The following SNTG1 variants were observed in gnomAD, a reference collection of about 807,000 sequenced individuals.
The protein encoded by SNTG1 is gamma-1-syntrophin.
A neutral mutation model predicts 74.7 loss-of-function variants in SNTG1; 39 were observed. The ratio of observed to expected loss-of-function variants is 0.52; its 90% CI spans 0.40 to 0.68. The LOEUF is 0.68. SNTG1 is among the 30% of genes least tolerant of loss of function. SNTG1 has a pLI of 0.00. For missense variants in SNTG1, 685 were observed against 609.5 expected, an observed-to-expected ratio of 1.12 and a Z score of -1.30; for synonymous variants, 254 against 217.1, an observed-to-expected ratio of 1.17 and a Z score of -1.49.
chr8:49,914,853 A>G (rs1254391423), intron 1 of SNTG1: 3 of 152,220 alleles, frequency 2.0e-5, no homozygotes, highest in Admixed American at 2.0e-4. Flanking sequence ...AGAAAAAAGC[A>G]TATTGTAAGC....
At chr8:49,986,792 G>A (rs1813199654) in intron 1 of SNTG1, among the ~76,000 whole-genome samples, 2 of 151,906 alleles carry the variant, frequency 1.3e-5, no homozygotes, top group Admixed American at 1.3e-4. Flanking sequence ...GAGGTGGGAG[G>A]GTCACATGAA....
Position 50,731,635 on chromosome 8 carries a change from C to T in SNTG1, c.1285-20366C>T, listed in dbSNP as rs116691219. Among the ~76,000 whole-genome samples the T allele has an allele frequency of 9.4e-3, 1,435 of 152,144 alleles. 31 individuals are homozygous for T. The highest frequency in any genetic ancestry group is 0.032 in the African/African-American group (1,326 of 41,542). On this transcript the variant is annotated intron_variant, in intron 17 of 18. Transcript: ENST00000642720. The stretch of plus-strand genomic sequence containing the variant: ...CTCCTGTCTGGGTCTACCTCAGAGC[C>T]AGCTATAAGGCATTTACAATGGCAC...
At chr8:50,399,527 C>T (rs1023211453) in intron 3 of SNTG1, among the ~76,000 whole-genome samples, 7 of 152,180 alleles carry the variant, frequency 4.6e-5, no homozygotes. Flanking sequence ...ACCCTTCTAA[C>T]ATCCTGAAGT....
chr8:50,381,558 A>ATGTGTG lies in SNTG1; in HGVS notation c.-27-12624_-27-12619dup, dbSNP rs372674229. Among the ~76,000 whole-genome samples, 196 of 108,568 alleles carry ATGTGTG rather than the reference A, an allele frequency of 1.8e-3. 5 individuals are homozygous for ATGTGTG. Among genetic ancestry groups the ATGTGTG allele is most frequent in the South Asian group, 2.4e-3 (8 of 3,276 alleles). The allele number at this position is 108,568 out of a possible 152,430, so 71.2% of individuals were successfully genotyped here. On this transcript the variant is annotated intron_variant, in intron 2 of 18. Coordinates refer to ENST00000642720, the MANE Select transcript of SNTG1 (RefSeq NM_018967.5). ...TCTAGAGGGACAGAACTAATAGGAT[A>ATGTGTG]TGTGTGTGTGTGTGTGTGTGTGTGT...
intron 15 of SNTG1, among the ~76,000 whole-genome samples, chr8:50,687,670 G>T (rs1433221555): frequency 6.6e-6 from 1 of 152,128 alleles, no homozygotes; most frequent in Non-Finnish European, 1.5e-5. Context: ...TGCTGCACCC[G>T]TTAACTCGTC....
intron 15 of SNTG1, among the ~76,000 whole-genome samples, chr8:50,689,063 G>A (rs549600674): frequency 6.7e-5 from 8 of 118,590 alleles, no homozygotes; most frequent in Admixed American, 4.7e-4. Context: ...CTGTTTGTCT[G>A]TTATTGGTGT....
At chr8:50,118,522 A>G (rs1035821984) in intron 1 of SNTG1, among the ~76,000 whole-genome samples, 19 of 146,552 alleles carry the variant, frequency 1.3e-4, no homozygotes, top group African/African-American at 4.7e-4. Flanking sequence ...AAATAGAAGC[A>G]AAGAGGATGT....
intron 1 of SNTG1, among the ~76,000 whole-genome samples, chr8:49,989,303 A>C (rs1457066511): frequency 6.6e-6 from 1 of 151,942 alleles, no homozygotes; most frequent in African/African-American, 2.4e-5. Context: ...GAGAATGATA[A>C]ATTAGTACCC....
chr8:50,426,737 A>C (rs2093168316), intron 4 of SNTG1, among the ~76,000 whole-genome samples: 1 of 152,060 alleles, frequency 6.6e-6, no homozygotes. Context: ...TATCATTCAC[A>C]ATCACTCACC....
At chr8:50,037,968 G>C (rs1256203093) in intron 1 of SNTG1, among the ~76,000 whole-genome samples, 3 of 152,226 alleles carry the variant, frequency 2.0e-5, no homozygotes, top group African/African-American at 7.2e-5. Context: ...ATGCCATCTT[G>C]CCTGAAAAGC....
chr8:50,153,047 A>T (rs1021203554), intron 1 of SNTG1, among the ~76,000 whole-genome samples: 27 of 152,198 alleles, frequency 1.8e-4, no homozygotes, highest in African/African-American at 5.8e-4. Context: ...TACACCAATC[A>T]GACGTAGATT....
chr8:50,749,871 C>G (rs1359530107), intron 17 of SNTG1, among the ~76,000 whole-genome samples: 7 of 152,008 alleles, frequency 4.6e-5, no homozygotes, highest in Non-Finnish European at 8.8e-5. Flanking sequence ...TGCAAGGAGG[C>G]TAATGTCTTC....
chr8:50,724,941 G>A lies in SNTG1; in HGVS notation c.1284+15963G>A, dbSNP rs535254770. 2.0e-5 allele frequency among the ~76,000 whole-genome samples: 3 copies of A among 152,080 alleles called. No individual in the cohort carries two copies. The East Asian group carries it at 5.8e-4, about 29-fold the overall frequency. On this transcript the variant is annotated intron_variant, in intron 17 of 18. Coordinates refer to ENST00000642720, the MANE Select transcript of SNTG1 (RefSeq NM_018967.5). ...GAAAAAACAGTTATTAGAGTTAACAGATTTTTTTAAATTTGAAGCATTAAT... is the reference window on the plus strand; with the variant it reads ...GAAAAAACAGTTATTAGAGTTAACAAATTTTTTTAAATTTGAAGCATTAAT...
rs561033083 is a variant in SNTG1 at position 50,440,076 on chromosome 8, T to C, written c.219+1477T>C. Among the ~76,000 whole-genome samples the C allele has an allele frequency of 3.5e-4, 53 of 151,728 alleles. No individual in the cohort carries two copies. In the Middle Eastern group the frequency reaches 0.011, roughly 31 times the overall value. Reference sequence around the variant, plus strand: ...CATTTTAATATTTTCATTATTTCAATCCAATCAAAACTATTGTATATATAA... The same window carrying C: ...CATTTTAATATTTTCATTATTTCAACCCAATCAAAACTATTGTATATATAA... On this transcript the variant is annotated intron_variant, in intron 5 of 18. Transcript: ENST00000642720.
chr8:50,145,524 C>T (rs2081828840), intron 1 of SNTG1, among the ~76,000 whole-genome samples: 1 of 151,944 alleles, frequency 6.6e-6, no homozygotes, highest in Non-Finnish European at 1.5e-5. Context: ...AATTTTGGGC[C>T]CTTTTGTAGA....
chr8:50,628,219 T>C (rs1237123968), intron 13 of SNTG1, among the ~76,000 whole-genome samples: 2 of 152,166 alleles, frequency 1.3e-5, no homozygotes, highest in Admixed American at 6.6e-5. Context: ...TTTTTTTTTC[T>C]TTTATGAGAT....
chr8:49,938,616 TTTC>T lies in SNTG1; in HGVS notation c.-103+26388_-103+26390del, dbSNP rs1356176320. Among the ~76,000 whole-genome samples, 637 of 104,042 alleles carry T rather than the reference TTTC, an allele frequency of 6.1e-3. 9 individuals carry two copies. Among genetic ancestry groups the T allele is most frequent in the African/African-American group, 0.029 (617 of 21,584 alleles). The allele number at this position is 104,042 out of a possible 152,430, so 68.3% of individuals were successfully genotyped here. On this transcript the variant is annotated intron_variant, in intron 1 of 18. Transcript: ENST00000642720. ...TCTTTTCTTTTCTTTTCTTTCTTTC[TTTC>T]TTTCTTTCTTTCTTTCTTTCTTTCC... is the stretch of plus-strand genomic sequence containing the variant.
At chr8:50,193,983 G>A (rs954020469) in intron 2 of SNTG1, among the ~76,000 whole-genome samples, 5 of 152,124 alleles carry the variant, frequency 3.3e-5, no homozygotes, top group African/African-American at 1.2e-4. Flanking sequence ...TTATTGACTT[G>A]TGTATATTAA....
chr8:50,260,694 A>G (rs1586877970), intron 2 of SNTG1, among the ~76,000 whole-genome samples: 1 of 151,622 alleles, frequency 6.6e-6, no homozygotes, highest in Non-Finnish European at 1.5e-5. Context: ...TGGAAAAAAA[A>G]CCAGACAATA....
Sources: gnomAD v4.1 joint callset for allele counts (sites outside exome capture counted in the v4.1 genomes callset) on GRCh38, gnomAD v4.1.1 for gene constraint, MANE v1.5 for transcripts, NCBI Gene and HGNC (gene_info 2026-07-23, HGNC 2026-07-21) for gene names.